DIO2: variants seen among roughly 807,000 people sequenced by gnomAD.
DIO2 encodes the protein iodothyronine deiodinase 2.
A neutral mutation model predicts 21.4 loss-of-function variants in DIO2; 19 were observed. That is an observed-to-expected ratio of 0.89 (90% CI 0.62 to 1.30). The LOEUF is 1.30. DIO2 is among the 50% of genes most tolerant of loss of function. DIO2 has a pLI of 0.00. For synonymous variants in DIO2, 122 were observed against 132.9 expected, an observed-to-expected ratio of 0.92 and a Z score of 0.57; for missense variants, 302 against 338.1, an observed-to-expected ratio of 0.89 and a Z score of 0.84.
At chr14:80,222,964 CA>C (rs1166864359) in intron 2 of DIO2, among the ~76,000 whole-genome samples, 1 of 151,470 alleles carries the variant, frequency 6.6e-6, no homozygotes, top group Admixed American at 6.6e-5. Context: ...CGGACTCAAG[CA>C]ATCCTCCTGC....
chr14:80,206,149 C>T, intron 1 of DIO2: 1 of 889,570 alleles, frequency 1.1e-6, no homozygotes, highest in South Asian at 1.7e-5. Context: ...TATGCTTATT[C>T]ATGAAGGTGC....
chr14:80,214,144 A>T (rs1010975866), upstream of DIO2, among the ~76,000 whole-genome samples: 3 of 152,204 alleles, frequency 2.0e-5, no homozygotes, highest in Non-Finnish European at 4.4e-5. Flanking sequence ...CCCACCAACA[A>T]TGGCAGAAGG....
At chr14:80,203,586 T>G (rs225013) in intron 1 of DIO2, among the ~76,000 whole-genome samples, 87,427 of 152,104 alleles carry the variant, frequency 0.57, 26,893 homozygotes, top group African/African-American at 0.79. Flanking sequence ...GCCAAGGCTG[T>G]TATTCTTTAC....
chr14:80,205,553 A>G, intron 1 of DIO2: 4 of 1,212,422 alleles, frequency 3.3e-6, no homozygotes, highest in East Asian at 5.8e-5. Context: ...TGATTATTCA[A>G]CTGAATAATC....
chr14:80,205,031 C>G (rs1887892717), intron 1 of DIO2, among the ~76,000 whole-genome samples: 1 of 152,150 alleles, frequency 6.6e-6, no homozygotes, highest in Non-Finnish European at 1.5e-5. Context: ...TACTAACTTT[C>G]TTGATTAATT....
Position 80,202,838 on chromosome 14 carries a change from C to A in DIO2, c.673G>T (p.Val225Leu). Residue 225 changes from valine to leucine, a missense_variant, in exon 2 of 2, where the codon GTA (valine) becomes TTA (leucine). By Grantham distance (32) the Val-to-Leu change is conservative. Transcript: ENST00000438257. ...ACAATGCACACACGTTCAAAGGCTA[C>A]CCCGTAAGCTATGTTGGCGTTATTG... ...MDNNANIAYG[V>L]AFERVCIVQR... 1 of 1,613,968 alleles carries A rather than the reference C, an allele frequency of 6.2e-7. No homozygotes were observed. The highest frequency in any genetic ancestry group is 8.5e-7 in the Non-Finnish European group (1 of 1,179,876).
At chr14:80,226,476 T>C (rs1566669393) in intron 2 of DIO2, among the ~76,000 whole-genome samples, 1 of 152,000 alleles carries the variant, frequency 6.6e-6, no homozygotes, top group Non-Finnish European at 1.5e-5. Flanking sequence ...GTATCTGGAG[T>C]AAATGTCTAT....
intron 1 of DIO2, among the ~76,000 whole-genome samples, chr14:80,207,726 G>A (rs967792793): frequency 6.6e-6 from 1 of 152,140 alleles, no homozygotes; most frequent in Non-Finnish European, 1.5e-5. Context: ...AATAGGCTAC[G>A]TACTCCTTCC....
Position 80,203,145 on chromosome 14 carries a change from G to A in DIO2, c.366C>T (p.Arg122=). 1 of 1,613,120 alleles carries A rather than the reference G, an allele frequency of 6.2e-7. No individual in the cohort carries two copies. The highest frequency in any genetic ancestry group is 8.5e-7 in the Non-Finnish European group (1 of 1,179,546). The change falls in exon 2 of 2, where the codon CGC becomes CGT. Residue 122 remains arginine (R), a synonymous_variant. Transcript: ENST00000438257. Reference sequence around the variant, plus strand: ...CTGAGCCAAAGTTGACCACTAGTGGGCGCTCAGGGCTGGCAAAGTCAAGAA... The same window carrying A: ...CTGAGCCAAAGTTGACCACTAGTGGACGCTCAGGGCTGGCAAAGTCAAGAA... The part of the protein sequence containing the change: ...CHLLDFASPE[R]PLVVNFGSAT...
At chr14:80,215,108 T>C (rs1888321470), upstream of DIO2, among the ~76,000 whole-genome samples, 1 of 152,196 alleles carries the variant, frequency 6.6e-6, no homozygotes, top group Non-Finnish European at 1.5e-5. Flanking sequence ...TGGTCATGTA[T>C]GTGTTCTTAG....
chr14:80,221,232 A>AT, intron 2 of DIO2, among the ~76,000 whole-genome samples: 1 of 152,268 alleles, frequency 6.6e-6, no homozygotes, highest in South Asian at 2.1e-4. Flanking sequence ...AGAAAGCATC[A>AT]TATAAATTAC....
chr14:80,227,210 C>T (rs1030112852), intron 2 of DIO2, among the ~76,000 whole-genome samples: 8 of 152,188 alleles, frequency 5.3e-5, no homozygotes, highest in African/African-American at 1.9e-4. Flanking sequence ...CCCTAGTCTT[C>T]TCTCCCTCCG....
rs551371351 is a variant in DIO2 at position 80,230,235 on chromosome 14, A to C, written c.-277-13498T>G. On this transcript the variant is annotated intron_variant, in intron 2 of 4. Transcript: ENST00000553594. Reference sequence around the variant, plus strand: ...GTCCCCAGCTTCATCAGGGTCCTCCAACACATCCCCATTCCAAATTTCAGG... The same window carrying C: ...GTCCCCAGCTTCATCAGGGTCCTCCCACACATCCCCATTCCAAATTTCAGG... Among the ~76,000 whole-genome samples the C allele has an allele frequency of 3.9e-5, 6 of 152,280 alleles. No homozygotes were observed. In the South Asian group the frequency reaches 1.2e-3, roughly 32 times the overall value.
At chr14:80,209,873 G>A (rs1888103852) in intron 1 of DIO2, among the ~76,000 whole-genome samples, 1 of 152,202 alleles carries the variant, frequency 6.6e-6, no homozygotes, top group Non-Finnish European at 1.5e-5. Context: ...ATTTTCAGAA[G>A]AACAATCCTG....
At chr14:80,212,331 G>C (rs760303223), upstream of DIO2, among the ~76,000 whole-genome samples, 31 of 143,090 alleles carry the variant, frequency 2.2e-4, no homozygotes, top group Admixed American at 9.9e-4. Context: ...AGCAAAACTC[G>C]ACAACTTTTT....
chr14:80,214,716 C>T (rs1035158886), upstream of DIO2, among the ~76,000 whole-genome samples: 8 of 151,962 alleles, frequency 5.3e-5, no homozygotes, highest in African/African-American at 1.9e-4. Flanking sequence ...CACAATTGCT[C>T]ATTCCAGTTA....
chr14:80,218,297 C>A (rs972033998), intron 2 of DIO2, among the ~76,000 whole-genome samples: 2 of 151,466 alleles, frequency 1.3e-5, no homozygotes, highest in African/African-American at 2.4e-5. Context: ...GAATTACCAA[C>A]CCTTTCTACT....
At chr14:80,230,049 G>C (rs1202699250) in intron 2 of DIO2, among the ~76,000 whole-genome samples, 1 of 152,132 alleles carries the variant, frequency 6.6e-6, no homozygotes, top group Non-Finnish European at 1.5e-5. Flanking sequence ...TGCCTCAGGG[G>C]AGGCCATCGC....
chr14:80,219,302 A>G (rs1362140295), intron 2 of DIO2: 4 of 152,242 alleles, frequency 2.6e-5, no homozygotes, highest in Admixed American at 2.6e-4. Context: ...TAGATGCTAA[A>G]TATTAGAAAA....
Sources: allele counts gnomAD v4.1 joint callset (sites outside exome capture counted in the v4.1 genomes callset), GRCh38; gene constraint gnomAD v4.1.1; transcripts MANE v1.5; gene names NCBI Gene and HGNC (gene_info 2026-07-23, HGNC 2026-07-21).